The following NARS2 variants were observed in gnomAD, a reference collection of about 807,000 sequenced individuals.
The protein encoded by NARS2 is asparaginyl-tRNA synthetase 2, mitochondrial.
Under a neutral mutation model 62.9 loss-of-function variants are expected in NARS2, and 60 were observed. That is an observed-to-expected ratio of 0.95 (90% CI 0.77 to 1.18). The LOEUF is 1.18. Among genes scored for constraint, NARS2 ranks in the 50% most tolerant of loss-of-function variants. The probability of loss-of-function intolerance (pLI) is 0.00; values close to 1 mark genes in which losing one functional copy is unlikely to be tolerated. For synonymous variants in NARS2, 196 were observed against 200.0 expected, an observed-to-expected ratio of 0.98 and a Z score of 0.17; for missense variants, 619 against 576.4, an observed-to-expected ratio of 1.07 and a Z score of -0.76.
chr11:78,514,202 A>T (rs1012058251), intron 6 of NARS2, among the ~76,000 whole-genome samples: 2 of 152,130 alleles, frequency 1.3e-5, no homozygotes, highest in Non-Finnish European at 2.9e-5. Flanking sequence ...TGTTCACTGC[A>T]GCCTCGACCT....
chr11:78,542,862 A>G (rs1226875653), intron 5 of NARS2, among the ~76,000 whole-genome samples: 2 of 152,228 alleles, frequency 1.3e-5, no homozygotes, highest in Non-Finnish European at 2.9e-5. Context: ...TCGCTGGCTC[A>G]TCACTGCACT....
At chr11:78,467,421 C>G (rs1391006132) in intron 10 of NARS2, among the ~76,000 whole-genome samples, 3 of 151,978 alleles carry the variant, frequency 2.0e-5, no homozygotes, top group East Asian at 3.9e-4. Context: ...CCTGTAGTCC[C>G]AGATAGTTGG....
chr11:78,499,065 C>T (rs545638358), intron 6 of NARS2, among the ~76,000 whole-genome samples: 1,817 of 151,568 alleles, frequency 0.012, 27 homozygotes, highest in African/African-American at 0.042. Flanking sequence ...TACAGGCGCC[C>T]GCCACCACGC....
chr11:78,443,655 CA>C lies in NARS2; in HGVS notation c.1262+5del. On this transcript the variant is annotated splice_donor_5th_base_variant and intron_variant, in intron 12 of 13. Coordinates refer to ENST00000281038, the MANE Select transcript of NARS2 (RefSeq NM_024678.6). ...CAATTGTGTTTCTTTTAGGTCTGAC[CA>C]GTACCTGGCTAAGCGCTCCTCTAAG... 1 of 1,602,092 alleles carries C rather than the reference CA, an allele frequency of 6.2e-7. No homozygotes were observed. The highest frequency in any genetic ancestry group is 8.6e-7 in the Non-Finnish European group (1 of 1,169,358).
chr11:78,438,839 A>G lies in NARS2; in HGVS notation c.1290-2025T>C, dbSNP rs537199850. ...TGGAACACTAGCAGACATCACAGAT[A>G]TGAAGATGTCTAAGGTCTCTTTTAC... On this transcript the variant is annotated intron_variant, in intron 13 of 13. Transcript: ENST00000281038. Among the ~76,000 whole-genome samples, 8 of 152,374 alleles carry G rather than the reference A, an allele frequency of 5.3e-5. No homozygotes were observed. In the South Asian group the frequency reaches 1.2e-3, roughly 24 times the overall value.
chr11:78,496,458 A>C (rs941595242), intron 6 of NARS2, among the ~76,000 whole-genome samples: 1 of 152,174 alleles, frequency 6.6e-6, no homozygotes, highest in Admixed American at 6.5e-5. Context: ...ATGGGTTAAG[A>C]AGCTTTCCCA....
chr11:78,462,238 A>C (rs930890765), intron 11 of NARS2, among the ~76,000 whole-genome samples: 6 of 152,310 alleles, frequency 3.9e-5, no homozygotes, highest in Non-Finnish European at 8.8e-5. Context: ...TGATGAAAAA[A>C]AGCCAACAGA....
chr11:78,448,448 GC>G (rs772557526), intron 11 of NARS2, among the ~76,000 whole-genome samples: 21 of 151,894 alleles, frequency 1.4e-4, no homozygotes, highest in Non-Finnish European at 1.6e-4. Flanking sequence ...ATGCCACCGT[GC>G]CCAGCTAATT....
intron 11 of NARS2, among the ~76,000 whole-genome samples, chr11:78,461,715 G>A (rs1171897383): frequency 1.3e-5 from 2 of 151,208 alleles, no homozygotes; most frequent in African/African-American, 4.9e-5. Context: ...AGGAGGCTGA[G>A]GCGGATGGAC....
Position 78,568,731 on chromosome 11 carries a change from A to G in NARS2, c.273T>C (p.Ser91=). The change falls in exon 3 of 14, where the codon TCT becomes TCC. Residue 91 remains serine (S), a synonymous_variant. Coordinates refer to ENST00000281038, the MANE Select transcript of NARS2 (RefSeq NM_024678.6). ...TTATCAGCTGCCCTTGTACTTCCACAGAACTCCCAAAATTTAATTCTCTAT... is the reference window on the plus strand; with the variant it reads ...TTATCAGCTGCCCTTGTACTTCCACGGAACTCCCAAAATTTAATTCTCTAT... ...LDSRELNFGS[S]VEVQGQLIKS... is the part of the protein sequence containing the mutation. The G allele has an allele frequency of 6.2e-7, 1 of 1,610,116 alleles. No homozygotes were observed. The highest frequency in any genetic ancestry group is 8.5e-7 in the Non-Finnish European group (1 of 1,177,194).
intron 13 of NARS2, among the ~76,000 whole-genome samples, chr11:78,439,337 G>A (rs751036448): frequency 6.6e-6 from 1 of 151,896 alleles, no homozygotes; most frequent in Non-Finnish European, 1.5e-5. Context: ...CCGCACCCAC[G>A]GTGGCTTTGG....
chr11:78,569,131 A>T (rs1364381413), intron 2 of NARS2, among the ~76,000 whole-genome samples: 1 of 151,468 alleles, frequency 6.6e-6, no homozygotes, highest in Non-Finnish European at 1.5e-5. Flanking sequence ...ATTAAAAAAA[A>T]ATTTTTTTTT....
At chr11:78,454,758 A>C (rs1184586734) in intron 11 of NARS2, among the ~76,000 whole-genome samples, 3 of 151,836 alleles carry the variant, frequency 2.0e-5, no homozygotes, top group Non-Finnish European at 4.4e-5. Context: ...AGCTGGGATT[A>C]TAGGCACCTG....
At chr11:78,526,871 T>C (rs1408107293) in intron 6 of NARS2, among the ~76,000 whole-genome samples, 1 of 152,184 alleles carries the variant, frequency 6.6e-6, no homozygotes, top group Non-Finnish European at 1.5e-5. Flanking sequence ...TAAGAAAGGT[T>C]ATCCAAACCT....
chr11:78,443,355 T>G (rs7941889), intron 12 of NARS2, among the ~76,000 whole-genome samples: 40,648 of 148,930 alleles, frequency 0.27, 6,183 homozygotes, highest in East Asian at 0.42. Flanking sequence ...TAAAAAAAAA[T>G]GTAGGACAAG....
chr11:78,554,508 C>CGT (rs71046981), intron 5 of NARS2, among the ~76,000 whole-genome samples: 3,328 of 147,004 alleles, frequency 0.023, 71 homozygotes, highest in African/African-American at 0.044. Flanking sequence ...GGCGTGTGTG[C>CGT]GTGTGTGTGT....
intron 1 of NARS2, chr11:78,571,672 A>G: frequency 2.4e-6 from 1 of 416,574 alleles, no homozygotes; most frequent in South Asian, 3.9e-5. Flanking sequence ...CAACATTTCG[A>G]ATGGATGCCT....
At chr11:78,522,622 T>C (rs1011497920) in intron 6 of NARS2, among the ~76,000 whole-genome samples, 4 of 152,230 alleles carry the variant, frequency 2.6e-5, no homozygotes, top group African/African-American at 4.8e-5. Flanking sequence ...AAAAAGATGA[T>C]GTAGAAACAG....
chr11:78,539,703 TTGA>T (rs1450609561), intron 5 of NARS2, among the ~76,000 whole-genome samples: 1 of 152,154 alleles, frequency 6.6e-6, no homozygotes, highest in Admixed American at 6.5e-5. Flanking sequence ...GTGCTTCTCA[TTGA>T]TGATGATAGT....
Sources: gnomAD v4.1 joint callset for allele counts (sites outside exome capture counted in the v4.1 genomes callset) on GRCh38, gnomAD v4.1.1 for gene constraint, MANE v1.5 for transcripts, NCBI Gene and HGNC (gene_info 2026-07-23, HGNC 2026-07-21) for gene names.